The following KIAA1217 variants were observed in gnomAD, a reference collection of about 807,000 sequenced individuals.
The protein encoded by KIAA1217 is KIAA1217.
KIAA1217 carries 88 observed loss-of-function variants against 163.9 expected under a neutral mutation model. The observed-to-expected ratio is 0.54, with a 90% CI of 0.45 to 0.64. The LOEUF (loss-of-function observed/expected upper bound fraction) is 0.64. KIAA1217 is among the 30% of genes least tolerant of loss of function. The probability of loss-of-function intolerance (pLI) is 0.00; values close to 1 mark genes in which losing one functional copy is unlikely to be tolerated. For missense variants in KIAA1217, 2,372 were observed against 2,475.0 expected (o/e 0.96, Z 0.88); for synonymous variants, 903 against 923.1 (o/e 0.98, Z 0.39).
chr10:24,474,393 G>A (rs2063801828), intron 6 of KIAA1217, among the ~76,000 whole-genome samples: 1 of 152,208 alleles, frequency 6.6e-6, no homozygotes, highest in Admixed American at 6.5e-5. Context: ...ATTAGCAGAA[G>A]ACAGATGAAA....
intron 2 of KIAA1217, among the ~76,000 whole-genome samples, chr10:24,224,574 C>T (rs1692844767): frequency 6.6e-6 from 1 of 152,046 alleles, no homozygotes; most frequent in Non-Finnish European, 1.5e-5. Context: ...CGTGCCTCAG[C>T]CTCCCAAAGT....
At chr10:24,050,716 A>G (rs1849441572) in intron 2 of KIAA1217, among the ~76,000 whole-genome samples, 1 of 152,120 alleles carries the variant, frequency 6.6e-6, no homozygotes, top group Non-Finnish European at 1.5e-5. Context: ...GCCTTGTAGT[A>G]TAGTTTGAAG....
chr10:23,955,156 C>T (rs1374153800), intron 1 of KIAA1217, among the ~76,000 whole-genome samples: 1 of 152,132 alleles, frequency 6.6e-6, no homozygotes, highest in Non-Finnish European at 1.5e-5. Context: ...TTATAGAACA[C>T]AAAAGTTCAC....
chr10:24,208,867 T>TC (rs1427777261), upstream of KIAA1217: 9 of 275,410 alleles, frequency 3.3e-5, no homozygotes, highest in Non-Finnish European at 4.2e-5. Context: ...TGTTGAGGCC[T>TC]CCCCCCCACA....
intron 1 of KIAA1217, among the ~76,000 whole-genome samples, chr10:23,732,675 T>G (rs1020844413): frequency 6.6e-6 from 1 of 152,142 alleles, no homozygotes; most frequent in African/African-American, 2.4e-5. Context: ...TTTTTTCCTC[T>G]ACTTACTTTT....
At chr10:24,183,282 A>C (rs10764453) in intron 2 of KIAA1217, among the ~76,000 whole-genome samples, 101,585 of 152,062 alleles carry the variant, frequency 0.67, 34,900 homozygotes, top group Middle Eastern at 0.77. Context: ...GTACTCTTTT[A>C]TAGCAACACA....
At chr10:24,225,633 C>A (rs2130968233) in intron 2 of KIAA1217, among the ~76,000 whole-genome samples, 1 of 152,206 alleles carries the variant, frequency 6.6e-6, no homozygotes, top group African/African-American at 2.4e-5. Flanking sequence ...TGGACTTAAC[C>A]CTGTCTTCAA....
At chr10:24,265,195 T>C (rs1287050606) in intron 2 of KIAA1217, among the ~76,000 whole-genome samples, 1 of 152,236 alleles carries the variant, frequency 6.6e-6, no homozygotes, top group Non-Finnish European at 1.5e-5. Context: ...ACATTAGCCA[T>C]GGCCTTCATG....
Position 24,317,066 on chromosome 10 carries a change from C to A in KIAA1217, c.355-63803C>A, listed in dbSNP as rs117332721. Among the ~76,000 whole-genome samples, 198 of 152,138 alleles carry A rather than the reference C, an allele frequency of 1.3e-3. No homozygotes were observed. The East Asian group carries it at 0.023, about 18-fold the overall frequency. On this transcript the variant is annotated intron_variant, in intron 2 of 20. Coordinates refer to ENST00000376454, the MANE Select transcript of KIAA1217 (RefSeq NM_019590.5). ...GGCTAGAATTATAAATTATTATAAA[C>A]GTTGGCCATGTGGGGAAATTCTTAT...
At chr10:23,862,414 T>C (rs1839997689) in intron 1 of KIAA1217, among the ~76,000 whole-genome samples, 1 of 152,150 alleles carries the variant, frequency 6.6e-6, no homozygotes, top group African/African-American at 2.4e-5. Context: ...CATACAGAGA[T>C]ACTTGAGTAT....
chr10:24,447,903 G>A (rs977507769), intron 5 of KIAA1217, among the ~76,000 whole-genome samples: 2 of 152,000 alleles, frequency 1.3e-5, no homozygotes, highest in South Asian at 2.1e-4. Flanking sequence ...AGGCTGAGGC[G>A]GGCAGATCAC....
At chr10:24,246,852 A>G (rs1039803513) in intron 2 of KIAA1217, among the ~76,000 whole-genome samples, 5 of 152,030 alleles carry the variant, frequency 3.3e-5, no homozygotes, top group African/African-American at 9.7e-5. Flanking sequence ...GATCTCTACT[A>G]AAAATATAAA....
At position 23,759,519 on chromosome 10, in the gene KIAA1217, A is replaced by G. The variant is rs544856541; in HGVS notation, c.-321+64285A>G. ...GAGGAAAAGCTTGCAGCCTTTCACCATTGAGTATGATGATTACTGCAGGTT... is the reference window on the plus strand; with the variant it reads ...GAGGAAAAGCTTGCAGCCTTTCACCGTTGAGTATGATGATTACTGCAGGTT... On this transcript the variant is annotated intron_variant, in intron 1 of 18. Coordinates refer to the KIAA1217 transcript ENST00000376462. Among the ~76,000 whole-genome samples, 4 of 152,310 alleles carry G rather than the reference A, an allele frequency of 2.6e-5. No individual in the cohort carries two copies. The South Asian group carries it at 6.2e-4, about 24-fold the overall frequency.
chr10:24,184,705 G>A (rs1386473273), intron 2 of KIAA1217, among the ~76,000 whole-genome samples: 1 of 152,180 alleles, frequency 6.6e-6, no homozygotes, highest in Non-Finnish European at 1.5e-5. Context: ...AGGAGAAACA[G>A]AAAAGCTGGC....
intron 2 of KIAA1217, among the ~76,000 whole-genome samples, chr10:24,031,592 G>T (rs1848187883): frequency 6.6e-6 from 1 of 152,066 alleles, no homozygotes; most frequent in South Asian, 2.1e-4. Flanking sequence ...ACACCACTAT[G>T]CCCAGCCGCT....
chr10:23,800,736 A>G (rs1412074930), intron 1 of KIAA1217, among the ~76,000 whole-genome samples: 1 of 152,168 alleles, frequency 6.6e-6, no homozygotes, highest in African/African-American at 2.4e-5. Context: ...CCTTATTATC[A>G]CTGGTTATTA....
chr10:24,468,884 T>C (rs988041548), intron 5 of KIAA1217, among the ~76,000 whole-genome samples: 2 of 152,244 alleles, frequency 1.3e-5, no homozygotes, highest in Non-Finnish European at 2.9e-5. Context: ...AGTAAATCTA[T>C]TGAGATATTC....
chr10:24,289,810 G>T (rs575363565), intron 2 of KIAA1217, among the ~76,000 whole-genome samples: 44 of 152,254 alleles, frequency 2.9e-4, no homozygotes, highest in African/African-American at 6.3e-4. Context: ...TTGAGATTGG[G>T]CTGTGTGGGG....
intron 2 of KIAA1217, among the ~76,000 whole-genome samples, chr10:24,096,983 G>T (rs2062189085): frequency 6.6e-6 from 1 of 152,154 alleles, no homozygotes; most frequent in Non-Finnish European, 1.5e-5. Flanking sequence ...AAGGTAATCA[G>T]CTGAGTAACA....
Sources: gnomAD v4.1 joint callset for allele counts (sites outside exome capture counted in the v4.1 genomes callset) on GRCh38, gnomAD v4.1.1 for gene constraint, MANE v1.5 for transcripts, NCBI Gene and HGNC (gene_info 2026-07-23, HGNC 2026-07-21) for gene names.